CALN1: variants seen among roughly 807,000 people sequenced by gnomAD.
The protein encoded by CALN1 is calneuron 1, also known as calcium-binding protein 8.
In CALN1, 17 loss-of-function variants were observed where a neutral mutation model predicts 30.6. The ratio of observed to expected loss-of-function variants is 0.56; its 90% CI spans 0.38 to 0.83. The LOEUF is 0.83. Among genes scored for constraint, CALN1 ranks in the 40% least tolerant of loss-of-function variants. CALN1 has a pLI of 0.00. For missense variants in CALN1, 291 were observed against 354.9 expected (o/e 0.82, Z 1.45); for synonymous variants, 156 against 131.4 (o/e 1.19, Z -1.28).
chr7:72,212,079 A>G (rs977279631), intron 3 of CALN1, among the ~76,000 whole-genome samples: 9 of 152,132 alleles, frequency 5.9e-5, no homozygotes, highest in South Asian at 4.1e-4. Flanking sequence ...GGGGCCGGGC[A>G]CGGTGACTCA....
chr7:71,880,449 C>G (rs560788933), intron 5 of CALN1, among the ~76,000 whole-genome samples: 1 of 152,228 alleles, frequency 6.6e-6, no homozygotes, highest in South Asian at 2.1e-4. Flanking sequence ...CAAGGCTTAG[C>G]CCATCTCTAC....
At chr7:71,868,287 A>G (rs1791706533) in intron 5 of CALN1, among the ~76,000 whole-genome samples, 1 of 152,108 alleles carries the variant, frequency 6.6e-6, no homozygotes, top group African/African-American at 2.4e-5. Context: ...GGCTGCAGAA[A>G]GCTTCCAATC....
chr7:71,829,983 G>GTC lies in CALN1; in HGVS notation c.502-19493_502-19492dup, dbSNP rs1198391285. Among the ~76,000 whole-genome samples the GTC allele has an allele frequency of 2.0e-5, 3 of 151,218 alleles. No individual in the cohort carries two copies. In the South Asian group the frequency reaches 6.3e-4, roughly 32 times the overall value. ...TGAAGAAGCCATTGTCTGTCTGTCTGTCTCTCTCTCCATCTTTTTCTATGT... is the reference window on the plus strand; with the variant it reads ...TGAAGAAGCCATTGTCTGTCTGTCTGTCTCTCTCTCTCCATCTTTTTCTATGT... On this transcript the variant is annotated intron_variant, in intron 5 of 6. Transcript: ENST00000395275.
At chr7:71,904,195 C>T (rs1794008175) in intron 5 of CALN1, among the ~76,000 whole-genome samples, 2 of 152,166 alleles carry the variant, frequency 1.3e-5, no homozygotes, top group Non-Finnish European at 2.9e-5. Context: ...AATCCCACTA[C>T]TGGGTACATG....
At chr7:72,051,602 C>T (rs554334220) in intron 4 of CALN1, among the ~76,000 whole-genome samples, 4 of 152,250 alleles carry the variant, frequency 2.6e-5, no homozygotes, top group South Asian at 2.1e-4. Flanking sequence ...AACTCTCATA[C>T]AAAAATACAC....
chr7:72,239,495 A>G (rs898751787), intron 3 of CALN1, among the ~76,000 whole-genome samples: 1 of 152,184 alleles, frequency 6.6e-6, no homozygotes, highest in Non-Finnish European at 1.5e-5. Context: ...TTTTATTTCT[A>G]TTGTATTCTG....
intron 4 of CALN1, among the ~76,000 whole-genome samples, chr7:72,074,962 T>C (rs1188111795): frequency 1.3e-5 from 2 of 152,174 alleles, no homozygotes; most frequent in Non-Finnish European, 2.9e-5. Flanking sequence ...AATTAAATGG[T>C]ATGAAAACAA....
chr7:72,312,322 T>G (rs916445066), intron 2 of CALN1, among the ~76,000 whole-genome samples: 13 of 148,634 alleles, frequency 8.7e-5, no homozygotes, highest in African/African-American at 3.3e-4. Flanking sequence ...GAGAATCACT[T>G]GAACCCAGCA....
At chr7:72,409,984 GCAC>G (rs1379520714) in intron 1 of CALN1, among the ~76,000 whole-genome samples, 2 of 152,178 alleles carry the variant, frequency 1.3e-5, no homozygotes, top group African/African-American at 4.8e-5. Flanking sequence ...CTGCAAAGAT[GCAC>G]CACATTTAAC....
intron 5 of CALN1, among the ~76,000 whole-genome samples, chr7:71,841,453 G>A (rs1789932730): frequency 6.6e-6 from 1 of 152,114 alleles, no homozygotes; most frequent in African/African-American, 2.4e-5. Flanking sequence ...AGATTTCCCA[G>A]AGAATTCAAA....
chr7:72,380,210 C>A (rs983556919), intron 2 of CALN1, among the ~76,000 whole-genome samples: 1 of 152,078 alleles, frequency 6.6e-6, no homozygotes, highest in Non-Finnish European at 1.5e-5. Context: ...ACCAGTCAAG[C>A]CCCACAAATC....
At chr7:72,244,984 A>G (rs1795066534) in intron 3 of CALN1, among the ~76,000 whole-genome samples, 2 of 152,114 alleles carry the variant, frequency 1.3e-5, no homozygotes, top group South Asian at 4.1e-4. Flanking sequence ...GGATGACATC[A>G]TCAGGCATCC....
At chr7:72,450,855 A>G (rs1028762594), upstream of CALN1, among the ~76,000 whole-genome samples, 1 of 147,496 alleles carries the variant, frequency 6.8e-6, no homozygotes, top group African/African-American at 2.6e-5. Context: ...AAATGAAAAC[A>G]AAAATAAAAT....
intron 5 of CALN1, among the ~76,000 whole-genome samples, chr7:71,824,889 T>C (rs1003912804): frequency 2.0e-5 from 3 of 152,168 alleles, no homozygotes; most frequent in African/African-American, 7.2e-5. Flanking sequence ...TGATGGGGTC[T>C]TGAACAGCTG....
At chr7:72,319,583 T>G (rs942187685) in intron 2 of CALN1, among the ~76,000 whole-genome samples, 3 of 152,090 alleles carry the variant, frequency 2.0e-5, no homozygotes. Context: ...TACTTAGCCA[T>G]GAAAAAGAAT....
chr7:71,982,639 T>C (rs1032708414), intron 5 of CALN1, among the ~76,000 whole-genome samples: 1 of 152,096 alleles, frequency 6.6e-6, no homozygotes, highest in Non-Finnish European at 1.5e-5. Flanking sequence ...AACCTCTAAA[T>C]TAACAGAAAT....
intron 3 of CALN1, among the ~76,000 whole-genome samples, chr7:72,277,073 T>C (rs1047074054): frequency 5.3e-5 from 8 of 149,870 alleles, no homozygotes; most frequent in African/African-American, 1.7e-4. Context: ...ACCTAGTCTA[T>C]GGTGTTTTGT....
chr7:72,018,184 G>A (rs1800506465), intron 5 of CALN1, among the ~76,000 whole-genome samples: 1 of 152,198 alleles, frequency 6.6e-6, no homozygotes, highest in Non-Finnish European at 1.5e-5. Context: ...GACATCTACT[G>A]TATCATAAGC....
rs750054515 is a variant in CALN1, at chr7:72,359,976, C to CAAAAAAAAAAAAAAAAAAAAA, written c.119+43274_119+43275insTTTTTTTTTTTTTTTTTTTTT. Among the ~76,000 whole-genome samples, 40 of 63,908 alleles carry CAAAAAAAAAAAAAAAAAAAAA rather than the reference C, an allele frequency of 6.3e-4. 2 individuals carry two copies. The highest frequency in any genetic ancestry group is 2.6e-3 in the African/African-American group (30 of 11,644). The allele number at this position is 63,908 out of a possible 152,430, so 41.9% of individuals were successfully genotyped here. ...TGGGTGACAGAGTGAGACTCCATCT[C>CAAAAAAAAAAAAAAAAAAAAA]AAAAAAAAAAAAAAACCAAAGTTGA... On this transcript the variant is annotated intron_variant, in intron 2 of 6. Transcript: ENST00000395275.
Sources: gnomAD v4.1 joint callset for allele counts (sites outside exome capture counted in the v4.1 genomes callset) on GRCh38, gnomAD v4.1.1 for gene constraint, MANE v1.5 for transcripts, NCBI Gene and HGNC (gene_info 2026-07-23, HGNC 2026-07-21) for gene names.